RTCA: variants seen among roughly 807,000 people sequenced by gnomAD.
RTCA encodes the protein RNA 3'-terminal phosphate cyclase.
RTCA carries 37 observed loss-of-function variants against 46.1 expected under a neutral mutation model. The ratio of observed to expected loss-of-function variants is 0.80; its 90% CI spans 0.62 to 1.06. The LOEUF (loss-of-function observed/expected upper bound fraction) is 1.06. Among genes scored for constraint, RTCA ranks in the 50% least tolerant of loss-of-function variants. RTCA has a pLI of 0.00. For missense variants in RTCA, 435 were observed against 455.5 expected (o/e 0.95, Z 0.41); for synonymous variants, 164 against 158.3 (o/e 1.04, Z -0.27).
At chr1:100,271,053 C>A (rs1666066441) in intron 4 of RTCA, among the ~76,000 whole-genome samples, 1 of 151,822 alleles carries the variant, frequency 6.6e-6, no homozygotes. Context: ...CCTCAGCCTC[C>A]CAAATGTGTC....
chr1:100,266,661 T>C (rs373899464), intron 2 of RTCA, 37 bp downstream of exon 2: 8 of 1,418,522 alleles, frequency 5.6e-6, no homozygotes, highest in Non-Finnish European at 7.7e-6. Flanking sequence ...GCCGTGAAGC[T>C]GGGGGATCGG....
chr1:100,290,021 T>C (rs1667265057), intron 10 of RTCA, among the ~76,000 whole-genome samples: 2 of 152,252 alleles, frequency 1.3e-5, no homozygotes, highest in Admixed American at 1.3e-4. Flanking sequence ...ATGCATATAT[T>C]ACTAATTAAT....
chr1:100,273,583 C>T (rs554784729), intron 5 of RTCA, 131 bp downstream of exon 5: 1 of 505,750 alleles, frequency 2.0e-6, no homozygotes, highest in South Asian at 3.3e-5. Flanking sequence ...AGTAATTGTA[C>T]TTTGTGGCTT....
chr1:100,282,405 C>A (rs1356306471), intron 8 of RTCA, among the ~76,000 whole-genome samples: 1 of 152,196 alleles, frequency 6.6e-6, no homozygotes, highest in Admixed American at 6.5e-5. Flanking sequence ...TTTTCAAGGA[C>A]TCACTTAAGT....
In RTCA at chr1:100,291,607, T is replaced by C. The variant is rs1420112395; in HGVS notation, c.*103T>C. On this transcript the variant is annotated 3_prime_UTR_variant, in exon 11 of 11. Transcript: ENST00000370128. ...AACTTATTAAAGGCTATGACTTAAA[T>C]TTGAAGATGAAGTACAGTGTTCTAG... 1.5e-5 allele frequency: 11 copies of C among 728,838 alleles called. No individual in the cohort carries two copies. 45.1% of individuals were successfully genotyped at this position (728,838 alleles called of 1,614,324 possible).
chr1:100,276,707 T>A (rs1666405284), intron 7 of RTCA, among the ~76,000 whole-genome samples: 1 of 152,202 alleles, frequency 6.6e-6, no homozygotes, highest in South Asian at 2.1e-4. Context: ...ATTATGTTAA[T>A]TCAGTTAGGA....
At position 100,292,702 on chromosome 1, in the gene RTCA, T is replaced by G. The variant is rs912880929; in HGVS notation, c.*1198T>G. On this transcript the variant is annotated 3_prime_UTR_variant, in exon 11 of 11. Coordinates refer to ENST00000370128, the MANE Select transcript of RTCA (RefSeq NM_003729.4). The stretch of plus-strand genomic sequence containing the variant: ...TTTTAACCCTAGTAGGTTTCGCAGA[T>G]TCATCCCCAGATATGTTTTTGTTTG... 2 of 152,240 alleles carry G rather than the reference T, an allele frequency of 1.3e-5. No homozygotes were observed. The highest frequency in any genetic ancestry group is 4.8e-5 in the African/African-American group (2 of 41,472). The allele number at this position is 152,240 out of a possible 1,614,324, so 9.4% of individuals were successfully genotyped here. A position where few individuals can be genotyped will look rare whatever the true frequency, so the allele number is the denominator to read the frequency against.
At position 100,277,300 on chromosome 1, in the gene RTCA, A is replaced by T. The variant is rs368311151; in HGVS notation, c.783A>T (p.Ser261=). 1 of 1,611,794 alleles carries T rather than the reference A, an allele frequency of 6.2e-7. No individual in the cohort carries two copies. Among genetic ancestry groups the T allele is most frequent in the African/African-American group, 1.3e-5 (1 of 74,864 alleles). The change falls in exon 8 of 11, where the codon TCA becomes TCT. Residue 261 remains serine, a synonymous_variant. Transcript: ENST00000370128. ...ETSTGCLFAG[S]SLGKRGVNAD... ...CCACTGGCTGTTTGTTTGCTGGATC[A>T]TCGCTTGGTAAACGAGGTAAGATAA... is the stretch of plus-strand genomic sequence containing the variant.
At chr1:100,287,825 A>G (rs4908055) in intron 10 of RTCA, among the ~76,000 whole-genome samples, 148,626 of 149,948 alleles carry the variant, frequency 0.99, 73,673 homozygotes, top group Middle Eastern at 1. Flanking sequence ...ACAGGGTCTC[A>G]CACTGTTGCC....
intron 8 of RTCA, among the ~76,000 whole-genome samples, chr1:100,280,336 T>A (rs1283868957): frequency 6.6e-6 from 1 of 152,240 alleles, no homozygotes; most frequent in Non-Finnish European, 1.5e-5. Flanking sequence ...GGAATTTTTT[T>A]ACCAGGCCTG....
At chr1:100,289,550 AAG>A (rs1667239631) in intron 10 of RTCA, among the ~76,000 whole-genome samples, 1 of 152,210 alleles carries the variant, frequency 6.6e-6, no homozygotes, top group African/African-American at 2.4e-5. Context: ...ATTTGATGTC[AAG>A]AGTGTTAACT....
chr1:100,274,396 G>A (rs1467179247), intron 5 of RTCA, among the ~76,000 whole-genome samples: 1 of 152,144 alleles, frequency 6.6e-6, no homozygotes, highest in Non-Finnish European at 1.5e-5. Context: ...ATTGTTTTAG[G>A]CACAGGAAAA....
At chr1:100,267,497 C>T in intron 2 of RTCA, 1 of 1,534,192 alleles carries the variant, frequency 6.5e-7, no homozygotes, top group Admixed American at 2.0e-5. Flanking sequence ...TATTTCCTCA[C>T]AGTTCTGGAG....
Position 100,291,782 on chromosome 1 carries a change from T to C in RTCA, c.*278T>C, listed in dbSNP as rs1667364056. 1.0e-5 allele frequency: 2 copies of C among 196,198 alleles called. No homozygotes were observed. The highest frequency in any genetic ancestry group is 6.0e-5 in the Admixed American group (1 of 16,744). The allele number at this position is 196,198 out of a possible 1,614,324, so 12.2% of individuals were successfully genotyped here. A position where few individuals can be genotyped will look rare whatever the true frequency, so the allele number is the denominator to read the frequency against. On this transcript the variant is annotated 3_prime_UTR_variant, in exon 11 of 11. Coordinates refer to ENST00000370128, the MANE Select transcript of RTCA (RefSeq NM_003729.4). ...ATTCTTTACACCTGAAGTAAATACA[T>C]TTTTCTTTTTTATGTAATTAATTAA...
intron 7 of RTCA, 32 bp downstream of exon 7, chr1:100,275,755 G>A (rs1188978430): frequency 6.4e-7 from 1 of 1,574,298 alleles, no homozygotes; most frequent in Non-Finnish European, 8.6e-7. Flanking sequence ...CACATTAGTT[G>A]AGAACCCTAA....
intron 3 of RTCA, 45 bp downstream of exon 3, chr1:100,268,340 C>A (rs199735964): frequency 1.4e-5 from 21 of 1,474,044 alleles, no homozygotes; most frequent in Non-Finnish European, 1.8e-5. Flanking sequence ...GGGTTTAAGT[C>A]CAGGTTTTGC....
At chr1:100,271,773 T>C (rs761833725) in intron 4 of RTCA, among the ~76,000 whole-genome samples, 1 of 152,226 alleles carries the variant, frequency 6.6e-6, no homozygotes, top group Non-Finnish European at 1.5e-5. Context: ...TTCACAGTTA[T>C]GAACCATCTA....
intron 10 of RTCA, 95 bp from the exon 11 acceptor site, chr1:100,291,308 G>A: frequency 4.3e-6 from 3 of 704,350 alleles, no homozygotes; most frequent in Non-Finnish European, 7.2e-6. Flanking sequence ...AATAAAATGG[G>A]CTTGACATTA....
intron 8 of RTCA, among the ~76,000 whole-genome samples, chr1:100,278,735 A>G (rs1314423199): frequency 6.6e-6 from 1 of 152,260 alleles, no homozygotes; most frequent in African/African-American, 2.4e-5. Flanking sequence ...GTTGGGCATC[A>G]AATCTGATCA....
Sources: gnomAD v4.1 joint callset for allele counts (sites outside exome capture counted in the v4.1 genomes callset) on GRCh38, gnomAD v4.1.1 for gene constraint, MANE v1.5 for transcripts, NCBI Gene and HGNC (gene_info 2026-07-23, HGNC 2026-07-21) for gene names.